The following CFH variants were observed in gnomAD, a reference collection of about 807,000 sequenced individuals.
CFH encodes complement factor H, also known as H factor 1 (complement).
In CFH, 53 loss-of-function variants were observed where a neutral mutation model predicts 147.3. The observed-to-expected ratio is 0.36, with a 90% confidence interval of 0.29 to 0.45. CFH has a LOEUF of 0.45. Among genes scored for constraint, CFH ranks in the 20% least tolerant of loss-of-function variants. The pLI, the probability that CFH is intolerant of heterozygous loss-of-function variation, is 1.00. For synonymous variants in CFH, 536 were observed against 489.4 expected, an observed-to-expected ratio of 1.10 and a Z score of -1.26; for missense variants, 1,380 against 1,498.0, an observed-to-expected ratio of 0.92 and a Z score of 1.30.
chr1:196,681,912 A>G (rs557284515), intron 6 of CFH, among the ~76,000 whole-genome samples: 149 of 151,950 alleles, frequency 9.8e-4, no homozygotes, highest in African/African-American at 2.8e-3. Context: ...ATCTATACAC[A>G]TCATTTTCTC....
At chr1:196,699,150 G>A (rs967475249) in intron 9 of CFH, among the ~76,000 whole-genome samples, 3 of 152,080 alleles carry the variant, frequency 2.0e-5, no homozygotes, top group Admixed American at 6.6e-5. Context: ...TTTCCTGAGC[G>A]ATCATACATT....
Position 196,737,406 on chromosome 1 carries a change from A to C in CFH, c.2597-69A>C. ...TACTCACTTTAAAATCCGAAATAGT[A>C]TTTAGTTTTATATTTCAATTTAAGT... On this transcript the variant is annotated intron_variant, in intron 16 of 21. Transcript: ENST00000367429. 3 of 1,100,500 alleles carry C rather than the reference A, an allele frequency of 2.7e-6. No individual in the cohort carries two copies. In the South Asian group the frequency reaches 4.2e-5, roughly 15 times the overall value. 68.2% of individuals were successfully genotyped at this position (1,100,500 alleles called of 1,614,324 possible).
chr1:196,662,780 G>A (rs1020899032), intron 1 of CFH, among the ~76,000 whole-genome samples: 1 of 151,964 alleles, frequency 6.6e-6, no homozygotes, highest in Non-Finnish European at 1.5e-5. Context: ...TACTTGGGGG[G>A]CTGAGGCAGG....
intron 11 of CFH, 136 bp from the exon 12 acceptor site, chr1:196,724,985 C>A: frequency 1.5e-6 from 1 of 679,606 alleles, no homozygotes; most frequent in Non-Finnish European, 2.6e-6. Flanking sequence ...ATGTAGCATT[C>A]TTTACAGGGA....
At chr1:196,683,847 T>C (rs1667736582) in intron 6 of CFH, among the ~76,000 whole-genome samples, 1 of 151,784 alleles carries the variant, frequency 6.6e-6, no homozygotes. Flanking sequence ...AAGAGGCAAT[T>C]GTTTCAGGTG....
rs572110277 is a variant in CFH at position 196,705,067 on chromosome 1, G to T, written c.1337-8668G>T. Among the ~76,000 whole-genome samples the T allele has an allele frequency of 2.6e-5, 4 of 152,268 alleles. No homozygotes were observed. The South Asian group carries it at 6.2e-4, about 24-fold the overall frequency. ...TCAAGGCTTCAAAAACTCACTAACC[G>T]TCCGGGGGAAATACATGCTAAGGAG... On this transcript the variant is annotated intron_variant, in intron 9 of 21. Transcript: ENST00000367429.
Position 196,725,082 on chromosome 1 carries a change from A to G in CFH, c.1697-39A>G, listed in dbSNP as rs56225627. The G allele has an allele frequency of 3.3e-5, 51 of 1,546,312 alleles. No homozygotes were observed. In the East Asian group the frequency reaches 1.1e-3, roughly 33 times the overall value. On this transcript the variant is annotated intron_variant, in intron 11 of 21. Transcript: ENST00000367429. ...TGTAAAATTAACTTTGGCAATGATT[A>G]ATTATATATTCTCATGAAATTATTT...
chr1:196,701,577 T>C (rs1186317858), intron 9 of CFH: 1 of 544,710 alleles, frequency 1.8e-6, no homozygotes, highest in African/African-American at 1.9e-5. Flanking sequence ...CCCCACTGTC[T>C]CAGTGTATTG....
intron 11 of CFH, among the ~76,000 whole-genome samples, chr1:196,723,852 C>A (rs1669061301): frequency 6.6e-6 from 1 of 151,930 alleles, no homozygotes; most frequent in African/African-American, 2.4e-5. Flanking sequence ...CCCTAATACC[C>A]CTACAATGTC....
At chr1:196,740,935 T>C in intron 18 of CFH, 143 bp downstream of exon 18, 1 of 833,536 alleles carries the variant, frequency 1.2e-6, no homozygotes, top group Admixed American at 2.2e-5. Flanking sequence ...AAATTATAGC[T>C]GTAGTAATTA....
chr1:196,695,835 T>G (rs962240545), intron 9 of CFH, among the ~76,000 whole-genome samples: 4 of 152,154 alleles, frequency 2.6e-5, no homozygotes, highest in African/African-American at 9.6e-5. Flanking sequence ...ATGCTTGTGA[T>G]TTTTGCATAT....
chr1:196,737,562 C>A lies in CFH; in HGVS notation c.2684C>A (p.Thr895Asn). The part of the protein sequence containing the change: ...RSSQESYAHG[T>N]KLSYTCEGGF... Reference sequence around the variant, plus strand: ...TCACAAGAAAGTTATGCACATGGGACTAAATTGAGTTATACTTGTGAGGGT... The same window carrying A: ...TCACAAGAAAGTTATGCACATGGGAATAAATTGAGTTATACTTGTGAGGGT... The change falls in exon 17 of 22, where the codon ACT becomes AAT. Residue 895 changes from threonine (T) to asparagine (N), a missense_variant. Physicochemically the swap from Thr to Asn is moderately conservative, Grantham distance 65 (BLOSUM62 0). Transcript: ENST00000367429. 6.2e-7 allele frequency: 1 copy of A among 1,613,202 alleles called. No individual in the cohort carries two copies. Among genetic ancestry groups the A allele is most frequent in the Non-Finnish European group, 8.5e-7 (1 of 1,179,446 alleles).
chr1:196,702,479 C>G (rs1464158636), intron 9 of CFH, among the ~76,000 whole-genome samples: 1 of 150,462 alleles, frequency 6.6e-6, no homozygotes, highest in Non-Finnish European at 1.5e-5. Context: ...AAATAATATG[C>G]CTATTTATTG....
intron 9 of CFH, among the ~76,000 whole-genome samples, chr1:196,697,851 G>T (rs781205611): frequency 1.3e-5 from 2 of 152,050 alleles, no homozygotes; most frequent in Non-Finnish European, 2.9e-5. Context: ...CATGTCCTTT[G>T]TAGGGACATG....
chr1:196,701,104 C>G (rs569268007), intron 9 of CFH, among the ~76,000 whole-genome samples: 1 of 152,170 alleles, frequency 6.6e-6, no homozygotes, highest in Admixed American at 6.5e-5. Flanking sequence ...GAATCTGAAA[C>G]TTTATATGGA....
At chr1:196,729,660 A>G (rs1209983021) in intron 15 of CFH, among the ~76,000 whole-genome samples, 1 of 151,926 alleles carries the variant, frequency 6.6e-6, no homozygotes, top group Non-Finnish European at 1.5e-5. Flanking sequence ...GTTTTAGAAG[A>G]ATTGGTATTA....
chr1:196,696,581 A>T (rs568157151), intron 9 of CFH, among the ~76,000 whole-genome samples: 2 of 152,184 alleles, frequency 1.3e-5, no homozygotes, highest in South Asian at 4.1e-4. Context: ...CATTGAATCT[A>T]TAAATTACCT....
Position 196,673,063 on chromosome 1 carries a change from T to C in CFH, c.144T>C (p.Ala48=). 1 of 1,614,044 alleles carries C rather than the reference T, an allele frequency of 6.2e-7. No individual in the cohort carries two copies. Residue 48 remains alanine, a synonymous_variant, in exon 2 of 22, where the codon GCT becomes GCC. Transcript: ENST00000367429. ...AAACATATCCAGAAGGCACCCAGGC[T>C]ATCTATAAATGCCGCCCTGGATATA... ...SDQTYPEGTQ[A]IYKCRPGYRS... is the part of the protein sequence containing the mutation.
At chr1:196,711,297 C>A (rs1668718211) in intron 9 of CFH, among the ~76,000 whole-genome samples, 1 of 152,050 alleles carries the variant, frequency 6.6e-6, no homozygotes, top group South Asian at 2.1e-4. Flanking sequence ...CATTTTCTAT[C>A]CCAGGTATTT....
Sources: gnomAD v4.1 joint callset for allele counts (sites outside exome capture counted in the v4.1 genomes callset) on GRCh38, gnomAD v4.1.1 for gene constraint, MANE v1.5 for transcripts, NCBI Gene and HGNC (gene_info 2026-07-23, HGNC 2026-07-21) for gene names.